SPTAN1: variants seen among roughly 807,000 people sequenced by gnomAD.
SPTAN1 encodes spectrin alpha, non-erythrocytic 1.
SPTAN1 carries 61 observed loss-of-function variants against 331.3 expected under a neutral mutation model. That is an observed-to-expected ratio of 0.18 (90% CI 0.15 to 0.23). The LOEUF (loss-of-function observed/expected upper bound fraction) is 0.23. SPTAN1 is among the 10% of genes least tolerant of loss of function. The probability of loss-of-function intolerance (pLI) is 1.00; values close to 1 mark genes in which losing one functional copy is unlikely to be tolerated. For synonymous variants in SPTAN1, 1,153 were observed against 1,173.9 expected (o/e 0.98, Z 0.36); for missense variants, 2,043 against 3,147.9 (o/e 0.65, Z 8.40).
At chr9:128,583,731 G>A in intron 15 of SPTAN1, 57 bp from the exon 16 acceptor site, 1 of 1,577,436 alleles carries the variant, frequency 6.3e-7, no homozygotes, top group Non-Finnish European at 8.7e-7. Context: ...TTCATGGGCA[G>A]TGTTGGCAGA....
chr9:128,593,874 G>A (rs755266481), intron 23 of SPTAN1: 9 of 408,416 alleles, frequency 2.2e-5, no homozygotes, highest in Non-Finnish European at 3.7e-5. Context: ...TGTGCTAAGC[G>A]CTTGGTTTCA....
At chr9:128,611,462 C>A in intron 37 of SPTAN1, 1 of 456,006 alleles carries the variant, frequency 2.2e-6, no homozygotes, top group South Asian at 2.1e-5. Context: ...TGAGCAAGAC[C>A]CTGTCTCAAA....
intron 51 of SPTAN1, chr9:128,628,818 C>G (rs1326152625): frequency 1.7e-5 from 5 of 286,330 alleles, no homozygotes; most frequent in Non-Finnish European, 1.3e-5. Context: ...GGCCTGTGCC[C>G]GTAGGACACC....
chr9:128,592,870 T>C, intron 22 of SPTAN1, 113 bp from the exon 23 acceptor site: 3 of 980,558 alleles, frequency 3.1e-6, no homozygotes, highest in Non-Finnish European at 4.8e-6. Context: ...AACTCCATAG[T>C]TTCCCAACAT....
chr9:128,563,069 G>A (rs1461418503), intron 1 of SPTAN1, among the ~76,000 whole-genome samples: 3 of 148,342 alleles, frequency 2.0e-5, no homozygotes, highest in African/African-American at 7.4e-5. Flanking sequence ...CAGACATTAA[G>A]CTTTTCAAGG....
Position 128,577,393 on chromosome 9 carries a change from C to T in SPTAN1, c.972C>T (p.Ser324=). Residue 324 remains serine, a synonymous_variant, in exon 8 of 57, where the codon TCC becomes TCT. Transcript: ENST00000372739. The surrounding 1 kb of genome is among the most constrained non-coding windows in gnomAD (Gnocchi z 4.2). ...CTGAGGCTGACCGCCTGCAACAGTC[C>T]CACCCTCTGAGTGCAACACAGATTC... ...LCAEADRLQQ[S]HPLSATQIQV... is the part of the protein sequence containing the mutation. The T allele has an allele frequency of 6.2e-7, 1 of 1,614,178 alleles. No homozygotes were observed. Among genetic ancestry groups the T allele is most frequent in the Non-Finnish European group, 8.5e-7 (1 of 1,180,042 alleles).
At chr9:128,601,050 C>T (rs1222797393) in intron 27 of SPTAN1, among the ~76,000 whole-genome samples, 1 of 127,836 alleles carries the variant, frequency 7.8e-6, no homozygotes, top group Non-Finnish European at 1.6e-5. Context: ...GTGGCACGAT[C>T]TCAGCTCACT....
chr9:128,618,474 T>C (rs940468772), intron 43 of SPTAN1, among the ~76,000 whole-genome samples: 3 of 151,842 alleles, frequency 2.0e-5, no homozygotes, highest in African/African-American at 4.8e-5. Context: ...AGGGCTCACC[T>C]TTTTTGTGAA....
In SPTAN1 at chr9:128,603,540, T is replaced by A; in HGVS notation, c.3580-3T>A. 6.2e-7 allele frequency: 1 copy of A among 1,614,226 alleles called. No individual in the cohort carries two copies. Among genetic ancestry groups the A allele is most frequent in the Non-Finnish European group, 8.5e-7 (1 of 1,180,032 alleles). On this transcript the variant is annotated splice_region_variant and splice_polypyrimidine_tract_variant and intron_variant, in intron 27 of 56. Coordinates refer to ENST00000372739, the MANE Select transcript of SPTAN1 (RefSeq NM_001130438.3). ...TTTGCCTTCTGCTTTCCTCCCTACC[T>A]AGTCTGCTCGTCTGATGGTTCACAC...
At position 128,632,690 on chromosome 9, in the gene SPTAN1, G is replaced by A. The variant is rs767301092; in HGVS notation, c.7132G>A (p.Ala2378Thr). The part of the protein sequence containing the change: ...EEGEPDPEFE[A>T]ILDTVDPNRD... ...AGGGGAACCTGACCCTGAGTTCGAG[G>A]CAATCCTGGACACGGTGGATCCGAA... The change falls in exon 55 of 57, where the codon GCA (alanine) becomes ACA (threonine). Residue 2378 changes from alanine (A) to threonine (T), a missense_variant. Ala to Thr is a moderately conservative substitution (Grantham distance 58). This residue lies in a region of SPTAN1 where 58 missense variants were observed against 74.0 expected (regional missense o/e 0.78). Transcript: ENST00000372739. 6.2e-7 allele frequency: 1 copy of A among 1,614,024 alleles called. No individual in the cohort carries two copies. The highest frequency in any genetic ancestry group is 8.5e-7 in the Non-Finnish European group (1 of 1,180,036).
rs762156669 is a variant in SPTAN1, at chr9:128,561,662, CAAAAA to C, written c.-3-5054_-3-5050del. Among the ~76,000 whole-genome samples the C allele has an allele frequency of 5.4e-3, 86 of 15,984 alleles. 2 individuals carry two copies. The highest frequency in any genetic ancestry group is 7.1e-3 in the Admixed American group (5 of 706). 10.5% of individuals were successfully genotyped at this position (15,984 alleles called of 152,430 possible). On this transcript the variant is annotated intron_variant, in intron 1 of 56. Transcript: ENST00000372739. ...TGGGCAACAGAGCGAGACTCCGTCT[CAAAAA>C]AAAAAAAAAAAAAAAAAAAAAGAAT...
Position 128,583,817 on chromosome 9 carries a change from C to G in SPTAN1, c.2041C>G (p.Gln681Glu), listed in dbSNP as rs747183463. ...GIKLREANQQ[Q>E]QFNRNVEDIE... is the part of the protein sequence containing the mutation. ...AAAGCTTCGTGAAGCCAACCAGCAACAGCAATTTAATCGCAATGTTGAGGA... is the reference window on the plus strand; with the variant it reads ...AAAGCTTCGTGAAGCCAACCAGCAAGAGCAATTTAATCGCAATGTTGAGGA... Residue 681 changes from glutamine (Q) to glutamate (E), a missense_variant, in exon 16 of 57, where the codon CAG becomes GAG. By Grantham distance (29) the Gln-to-Glu change is conservative. Coordinates refer to ENST00000372739, the MANE Select transcript of SPTAN1 (RefSeq NM_001130438.3). The G allele has an allele frequency of 6.2e-7, 1 of 1,614,176 alleles. No homozygotes were observed. The highest frequency in any genetic ancestry group is 1.1e-5 in the South Asian group (1 of 91,090).
intron 15 of SPTAN1, 30 bp from the exon 16 acceptor site, chr9:128,583,758 G>C (rs766273505): frequency 6.2e-7 from 1 of 1,611,164 alleles, no homozygotes; most frequent in Admixed American, 1.7e-5. Context: ...ATGCTAAGCA[G>C]TACAAAATTA....
intron 46 of SPTAN1, 123 bp from the exon 47 acceptor site, chr9:128,624,980 T>C (rs1858513783): frequency 4.3e-6 from 4 of 931,152 alleles, no homozygotes; most frequent in Non-Finnish European, 5.2e-6. Context: ...GTTCTGAGGC[T>C]GTAGTTAGGA....
chr9:128,618,842 C>G, intron 43 of SPTAN1, 29 bp from the exon 44 acceptor site: 1 of 1,614,038 alleles, frequency 6.2e-7, no homozygotes, highest in Non-Finnish European at 8.5e-7. Context: ...GAGATTATGG[C>G]TGATTTTCTT....
chr9:128,591,576 C>T lies in SPTAN1; in HGVS notation c.3106C>T (p.Leu1036=), dbSNP rs1280314153. ...PAQSASRENL[L]EEQGSIALRQ... is the part of the protein sequence containing the mutation. ...CCAGTCAGCCTCCCGGGAGAATCTC[C>T]TGGAGGAGCAAGGCAGCATAGCACT... The change falls in exon 22 of 57, where the codon CTG becomes TTG. Residue 1036 remains leucine, a synonymous_variant. Coordinates refer to ENST00000372739, the MANE Select transcript of SPTAN1 (RefSeq NM_001130438.3). The T allele has an allele frequency of 1.2e-6, 2 of 1,614,082 alleles. No individual in the cohort carries two copies. Among genetic ancestry groups the T allele is most frequent in the African/African-American group, 1.3e-5 (1 of 74,930 alleles).
chr9:128,599,098 G>T, intron 26 of SPTAN1, 112 bp downstream of exon 26: 1 of 1,023,698 alleles, frequency 9.8e-7, no homozygotes, highest in Non-Finnish European at 1.6e-6. Flanking sequence ...AACCTCAGAT[G>T]CCTTTTGTGT....
At chr9:128,574,960 T>C (rs1431087870) in intron 4 of SPTAN1, 145 bp downstream of exon 4, 26 of 1,225,576 alleles carry the variant, frequency 2.1e-5, no homozygotes, top group Non-Finnish European at 2.8e-5. Flanking sequence ...TCTCTCCAGC[T>C]GCTCTCTAGG....
intron 24 of SPTAN1, among the ~76,000 whole-genome samples, chr9:128,598,079 G>A (rs990515705): frequency 1.3e-5 from 2 of 152,210 alleles, no homozygotes; most frequent in African/African-American, 4.8e-5. Flanking sequence ...CTCCCGAGTA[G>A]CTGGGATTAC....
Sources: allele counts gnomAD v4.1 joint callset (sites outside exome capture counted in the v4.1 genomes callset), GRCh38; gene constraint gnomAD v4.1.1; regional missense constraint gnomAD v4.1.1; non-coding constraint Gnocchi (gnomAD v3.1); transcripts MANE v1.5; gene names NCBI Gene and HGNC (gene_info 2026-07-23, HGNC 2026-07-21).